Variants in TCF7L1 observed in about 807,000 individuals in gnomAD.
The protein encoded by TCF7L1 is transcription factor 7-like 1.
Under a neutral mutation model 63.7 loss-of-function variants are expected in TCF7L1, and 18 were observed. That is an observed-to-expected ratio of 0.28 (90% confidence interval 0.20 to 0.42). The LOEUF (loss-of-function observed/expected upper bound fraction) is 0.42, where lower values mean the gene tolerates loss of function less well. Among genes scored for constraint, TCF7L1 ranks in the 10% least tolerant of loss-of-function variants. The pLI, the probability that TCF7L1 is intolerant of heterozygous loss-of-function variation, is 1.00. For missense variants in TCF7L1, 654 were observed against 779.3 expected (o/e 0.84, Z 1.91); for synonymous variants, 355 against 340.9 (o/e 1.04, Z -0.46).
chr2:85,248,178 G>A (rs1376888796), intron 3 of TCF7L1, among the ~76,000 whole-genome samples: 1 of 152,094 alleles, frequency 6.6e-6, no homozygotes, highest in Non-Finnish European at 1.5e-5. Context: ...GGAGCTAACT[G>A]CCCCCCTGCA....
intron 3 of TCF7L1, among the ~76,000 whole-genome samples, chr2:85,166,693 A>G (rs1678426869): frequency 1.3e-5 from 2 of 152,228 alleles, no homozygotes; most frequent in South Asian, 4.1e-4. Context: ...ATGGGAAGGC[A>G]TTTGATACAA....
chr2:85,158,901 G>A (rs1678216487), intron 3 of TCF7L1, among the ~76,000 whole-genome samples: 2 of 152,204 alleles, frequency 1.3e-5, no homozygotes, highest in Non-Finnish European at 2.9e-5. Context: ...TCCTCGGAAG[G>A]TTTGCTCCAC....
At chr2:85,275,850 G>A (rs899546439) in intron 3 of TCF7L1, among the ~76,000 whole-genome samples, 5 of 151,176 alleles carry the variant, frequency 3.3e-5, no homozygotes, top group Admixed American at 3.3e-4. Flanking sequence ...AGCCCAGGAG[G>A]TGGAGGTTGC....
At position 85,153,647 on chromosome 2, in the gene TCF7L1, T is replaced by C. The variant is rs13417462; in HGVS notation, c.441+19197T>C. Among the ~76,000 whole-genome samples the C allele has an allele frequency of 9.0e-4, 137 of 152,326 alleles. 1 individual carries two copies. The highest frequency in any genetic ancestry group is 3.2e-3 in the African/African-American group (134 of 41,574). On this transcript the variant is annotated intron_variant, in intron 3 of 11. Coordinates refer to ENST00000282111, the MANE Select transcript of TCF7L1 (RefSeq NM_031283.3). ...TGAGCCACTGCACCCGGCTAGCCTCTATAAAATTTAATCTCTACACTGCAC... is the reference window on the plus strand; with the variant it reads ...TGAGCCACTGCACCCGGCTAGCCTCCATAAAATTTAATCTCTACACTGCAC...
chr2:85,285,488 G>A (rs1205724458), intron 4 of TCF7L1, among the ~76,000 whole-genome samples: 1 of 151,652 alleles, frequency 6.6e-6, no homozygotes, highest in Non-Finnish European at 1.5e-5. Context: ...GGAACCGTGA[G>A]TGCGGGACCA....
intron 3 of TCF7L1, among the ~76,000 whole-genome samples, chr2:85,264,397 C>T (rs1013299845): frequency 3.9e-5 from 6 of 152,166 alleles, no homozygotes; most frequent in Non-Finnish European, 7.3e-5. Context: ...GTGCATGCAT[C>T]ACAAATCCTC....
chr2:85,276,676 C>T (rs577597186), intron 3 of TCF7L1, among the ~76,000 whole-genome samples: 8 of 152,218 alleles, frequency 5.3e-5, no homozygotes, highest in South Asian at 2.1e-4. Context: ...TTCAACCCCT[C>T]GTTACAGATG....
chr2:85,192,049 A>G (rs1679046376), intron 3 of TCF7L1, among the ~76,000 whole-genome samples: 1 of 151,746 alleles, frequency 6.6e-6, no homozygotes, highest in Non-Finnish European at 1.5e-5. Context: ...TGACAAGGGG[A>G]CTCTGTGCTG....
At chr2:85,169,545 G>A (rs972909018) in intron 3 of TCF7L1, among the ~76,000 whole-genome samples, 7 of 152,146 alleles carry the variant, frequency 4.6e-5, no homozygotes, top group African/African-American at 1.7e-4. Context: ...TTTATAGGAT[G>A]TATTATCTTA....
chr2:85,302,538 C>T lies in TCF7L1; in HGVS notation c.580C>T (p.Leu194Phe). Residue 194 changes from leucine (L) to phenylalanine (F), a missense_variant, in exon 5 of 12, where the codon CTC (leucine) becomes TTC (phenylalanine). Around this residue, in one of 3 missense-constraint regions of TCF7L1, gnomAD observed 404 missense variants for 454.8 expected, o/e 0.89. Transcript: ENST00000282111. Reference sequence around the variant, plus strand: ...GCATCACATGCATCCGCTGACTCCCCTCATCACCTACAGCAATGACCACTT... The same window carrying T: ...GCATCACATGCATCCGCTGACTCCCTTCATCACCTACAGCAATGACCACTT... ...HPHHMHPLTP[L>F]ITYSNDHFSP... 2 of 1,614,196 alleles carry T rather than the reference C, an allele frequency of 1.2e-6. No homozygotes were observed. Among genetic ancestry groups the T allele is most frequent in the Non-Finnish European group, 1.7e-6 (2 of 1,180,034 alleles).
chr2:85,304,338 G>T lies in TCF7L1; in HGVS notation c.845G>T (p.Ser282Ile), dbSNP rs1682055347. The T allele has an allele frequency of 6.2e-7, 1 of 1,613,854 alleles. No homozygotes were observed. The highest frequency in any genetic ancestry group is 8.5e-7 in the Non-Finnish European group (1 of 1,179,944). ...CTCGCCATGAACGCCTCGATGTCCA[G>T]GTGAGTCCCGGGGCTGGGGCTGTCC... The part of the protein sequence containing the change: ...PALAMNASMS[S>I]LVSSRFSPHM... The change falls in exon 7 of 12, where the codon AGC (serine) becomes ATC (isoleucine). Residue 282 changes from serine to isoleucine, a missense_variant and splice_region_variant. By Grantham distance (142) the Ser-to-Ile change is moderately radical. Coordinates refer to ENST00000282111, the MANE Select transcript of TCF7L1 (RefSeq NM_031283.3).
At chr2:85,277,635 C>T (rs1483594692) in intron 3 of TCF7L1, among the ~76,000 whole-genome samples, 1 of 152,194 alleles carries the variant, frequency 6.6e-6, no homozygotes, top group Admixed American at 6.5e-5. Context: ...GACCATGGGG[C>T]TGGAGCAAGG....
chr2:85,201,726 T>C (rs1679276859), intron 3 of TCF7L1, among the ~76,000 whole-genome samples: 1 of 152,172 alleles, frequency 6.6e-6, no homozygotes, highest in South Asian at 2.1e-4. Flanking sequence ...ATCAGCAGTG[T>C]ATGAGGGTTC....
rs201834068 is a variant in TCF7L1 at position 85,306,429 on chromosome 2, G to C, written c.1150-23G>C. Reference sequence around the variant, plus strand: ...GTCCCTGCATTGATGGCTCCGTGTGGTCTCTGACCCTCTCTCCCCCAGTGG... The same window carrying C: ...GTCCCTGCATTGATGGCTCCGTGTGCTCTCTGACCCTCTCTCCCCCAGTGG... On this transcript the variant is annotated intron_variant, in intron 9 of 11. Coordinates refer to ENST00000282111, the MANE Select transcript of TCF7L1 (RefSeq NM_031283.3). This position sits in a 1 kb window ranked among gnomAD's most constrained non-coding sequence, Gnocchi z 4.3. 765 of 1,613,998 alleles carry C rather than the reference G, an allele frequency of 4.7e-4. No individual in the cohort carries two copies. The highest frequency in any genetic ancestry group is 5.8e-4 in the Non-Finnish European group (685 of 1,179,914).
chr2:85,252,596 A>G (rs1265480676), intron 3 of TCF7L1, among the ~76,000 whole-genome samples: 1 of 152,232 alleles, frequency 6.6e-6, no homozygotes, highest in African/African-American at 2.4e-5. Context: ...AAAAGACCAC[A>G]AAAGAGCGGT....
chr2:85,256,748 C>T (rs951250227), intron 3 of TCF7L1, among the ~76,000 whole-genome samples: 14 of 152,004 alleles, frequency 9.2e-5, no homozygotes, highest in Non-Finnish European at 2.1e-4. Context: ...TTTGGGAGGC[C>T]GAGGTGGGTG....
intron 3 of TCF7L1, among the ~76,000 whole-genome samples, chr2:85,214,248 T>C (rs147807910): frequency 1.4e-3 from 214 of 152,278 alleles, no homozygotes; most frequent in Admixed American, 3.1e-3. Context: ...AAACACAGCT[T>C]GTTACTACCA....
chr2:85,252,393 T>C (rs1680612656), intron 3 of TCF7L1, among the ~76,000 whole-genome samples: 1 of 152,178 alleles, frequency 6.6e-6, no homozygotes, highest in Admixed American at 6.5e-5. Flanking sequence ...CCTGTGATAA[T>C]TTATAGCCAC....
At chr2:85,259,222 G>A (rs1050078241) in intron 3 of TCF7L1, among the ~76,000 whole-genome samples, 7 of 152,206 alleles carry the variant, frequency 4.6e-5, no homozygotes, top group African/African-American at 1.7e-4. Flanking sequence ...GTGTTCTGGG[G>A]CCTGTGTTTG....
Sources: allele counts gnomAD v4.1 joint callset (sites outside exome capture counted in the v4.1 genomes callset), GRCh38; gene constraint gnomAD v4.1.1; regional missense constraint gnomAD v4.1.1; non-coding constraint Gnocchi (gnomAD v3.1); transcripts MANE v1.5; gene names NCBI Gene and HGNC (gene_info 2026-07-23, HGNC 2026-07-21).